Variants in ZNF385D observed in about 807,000 individuals in gnomAD.
The protein encoded by ZNF385D is zinc finger protein 659.
ZNF385D carries 15 observed loss-of-function variants against 35.8 expected under a neutral mutation model. The ratio of observed to expected loss-of-function variants is 0.42; its 90% CI spans 0.28 to 0.64. The LOEUF is 0.64. Among genes scored for constraint, ZNF385D ranks in the 30% least tolerant of loss-of-function variants. ZNF385D has a pLI of 0.23. For synonymous variants in ZNF385D, 212 were observed against 186.8 expected (o/e 1.13, Z -1.10); for missense variants, 474 against 494.6 (o/e 0.96, Z 0.39).
At chr3:22,021,093 T>C (rs891594527) in intron 3 of ZNF385D, among the ~76,000 whole-genome samples, 6 of 151,874 alleles carry the variant, frequency 4.0e-5, no homozygotes, top group Non-Finnish European at 1.5e-5. Context: ...AGTGAAATGA[T>C]AGGCAGAGAC....
intron 3 of ZNF385D, among the ~76,000 whole-genome samples, chr3:21,872,796 T>G (rs1697761562): frequency 6.6e-6 from 1 of 152,162 alleles, no homozygotes; most frequent in African/African-American, 2.4e-5. Context: ...AATGCTGTTT[T>G]GATAACACAC....
At chr3:21,977,663 T>C (rs540495242) in intron 3 of ZNF385D, among the ~76,000 whole-genome samples, 10 of 151,834 alleles carry the variant, frequency 6.6e-5, no homozygotes, top group African/African-American at 2.4e-4. Context: ...TAAAAATATA[T>C]ATATAAAAAT....
In ZNF385D at chr3:22,356,631, G is replaced by T. The variant is rs569579757; in HGVS notation, c.106+15819C>A. On this transcript the variant is annotated intron_variant, in intron 2 of 5. Coordinates refer to the ZNF385D transcript ENST00000494108. Reference sequence around the variant, plus strand: ...GGTTGCAAGTACTGTACGAATATTAGATAGGTAGATAATACATAGAATGCA... The same window carrying T: ...GGTTGCAAGTACTGTACGAATATTATATAGGTAGATAATACATAGAATGCA... 2.2e-4 allele frequency among the ~76,000 whole-genome samples: 33 copies of T among 152,050 alleles called. No individual in the cohort carries two copies. The South Asian group carries it at 6.4e-3, about 30-fold the overall frequency.
intron 3 of ZNF385D, among the ~76,000 whole-genome samples, chr3:22,097,215 A>C (rs1701680124): frequency 6.6e-6 from 1 of 152,048 alleles, no homozygotes; most frequent in Non-Finnish European, 1.5e-5. Context: ...GATTATTTTT[A>C]TTTTATATCA....
intron 2 of ZNF385D, among the ~76,000 whole-genome samples, chr3:22,213,583 C>A (rs1346451372): frequency 2.0e-5 from 3 of 152,006 alleles, no homozygotes; most frequent in Non-Finnish European, 2.9e-5. Flanking sequence ...AGTCTTAGAT[C>A]CAGTATGCAA....
At chr3:22,005,356 G>A (rs1230853593) in intron 3 of ZNF385D, among the ~76,000 whole-genome samples, 1 of 152,008 alleles carries the variant, frequency 6.6e-6, no homozygotes, top group Non-Finnish European at 1.5e-5. Context: ...AATTAACACA[G>A]TCATTATGGA....
chr3:21,765,957 G>C (rs1218660479), intron 3 of ZNF385D, among the ~76,000 whole-genome samples: 1 of 152,094 alleles, frequency 6.6e-6, no homozygotes. Flanking sequence ...TCAGTAGACT[G>C]AAACTAGTAA....
intron 2 of ZNF385D, among the ~76,000 whole-genome samples, chr3:21,567,919 G>A (rs190482814): frequency 2.6e-5 from 4 of 152,056 alleles, no homozygotes; most frequent in East Asian, 1.9e-4. Flanking sequence ...TAGTCACTTC[G>A]TGCAAATGTA....
intron 2 of ZNF385D, among the ~76,000 whole-genome samples, chr3:22,267,377 C>T (rs1204266307): frequency 2.0e-5 from 3 of 150,492 alleles, no homozygotes; most frequent in Non-Finnish European, 4.4e-5. Flanking sequence ...ATTGTTTTAC[C>T]AAAGAACACA....
At chr3:22,332,279 T>G (rs1245671056) in intron 2 of ZNF385D, among the ~76,000 whole-genome samples, 1 of 152,170 alleles carries the variant, frequency 6.6e-6, no homozygotes, top group Non-Finnish European at 1.5e-5. Context: ...GGTAGCAGGT[T>G]TATTTGTAAA....
intron 3 of ZNF385D, among the ~76,000 whole-genome samples, chr3:21,999,064 T>C (rs1695671792): frequency 6.6e-6 from 1 of 152,220 alleles, no homozygotes; most frequent in Admixed American, 6.5e-5. Flanking sequence ...TCCTGTCTGC[T>C]TTTACCAGAC....
chr3:21,799,129 A>AT (rs1559632940), intron 3 of ZNF385D, among the ~76,000 whole-genome samples: 3 of 152,006 alleles, frequency 2.0e-5, no homozygotes, highest in Non-Finnish European at 4.4e-5. Context: ...CATGTACTTG[A>AT]TTTTCATTCA....
intron 3 of ZNF385D, among the ~76,000 whole-genome samples, chr3:21,924,865 G>A (rs1700645535): frequency 6.6e-6 from 1 of 152,038 alleles, no homozygotes; most frequent in African/African-American, 2.4e-5. Flanking sequence ...TGGGAAACCT[G>A]GACTTCTACC....
Position 21,569,563 on chromosome 3 carries a change from T to C in ZNF385D, c.166-4879A>G, listed in dbSNP as rs1204015986. ...AATTGGAGCATTTAGTCCATTTACA[T>C]TGAAAGTTAATATTGTTACGTGTGA... is the stretch of plus-strand genomic sequence containing the variant. On this transcript the variant is annotated intron_variant, in intron 2 of 7. Coordinates refer to ENST00000281523, the MANE Select transcript of ZNF385D (RefSeq NM_024697.3). Among the ~76,000 whole-genome samples, 15 of 151,110 alleles carry C rather than the reference T, an allele frequency of 9.9e-5. No individual in the cohort carries two copies. The East Asian group carries it at 2.9e-3, about 29-fold the overall frequency.
At chr3:22,302,150 C>G (rs1335352057) in intron 2 of ZNF385D, among the ~76,000 whole-genome samples, 1 of 152,002 alleles carries the variant, frequency 6.6e-6, no homozygotes, top group African/African-American at 2.4e-5. Flanking sequence ...TTCCAGAATG[C>G]AGGGATGCAG....
At chr3:21,924,018 A>C (rs1679206) in intron 3 of ZNF385D, among the ~76,000 whole-genome samples, 139,444 of 152,166 alleles carry the variant, frequency 0.92, 63,986 homozygotes, top group East Asian at 0.98. Flanking sequence ...CAATATATTT[A>C]TGCCTCAAAA....
At chr3:22,185,423 T>C (rs1456791525) in intron 2 of ZNF385D, among the ~76,000 whole-genome samples, 2 of 152,186 alleles carry the variant, frequency 1.3e-5, no homozygotes, top group Non-Finnish European at 2.9e-5. Context: ...CTCTTTTTCC[T>C]AAAACAAATA....
intron 2 of ZNF385D, among the ~76,000 whole-genome samples, chr3:22,269,777 A>AT (rs1362642244): frequency 6.6e-6 from 1 of 151,666 alleles, no homozygotes; most frequent in African/African-American, 2.4e-5. Context: ...CTATAGAATC[A>AT]TTTTTCTCCA....
At chr3:22,095,205 G>T (rs1428135366) in intron 3 of ZNF385D, among the ~76,000 whole-genome samples, 1 of 151,140 alleles carries the variant, frequency 6.6e-6, no homozygotes, top group African/African-American at 2.4e-5. Context: ...GTGATTACAG[G>T]TGTGAACGAT....
Sources: allele counts gnomAD v4.1 joint callset (sites outside exome capture counted in the v4.1 genomes callset), GRCh38; gene constraint gnomAD v4.1.1; transcripts MANE v1.5; gene names NCBI Gene and HGNC (gene_info 2026-07-23, HGNC 2026-07-21).